The following SPARCL1 variants were observed in gnomAD, a reference collection of about 807,000 sequenced individuals.
The protein encoded by SPARCL1 is SPARC-like protein 1.
SPARCL1 carries 52 observed loss-of-function variants against 67.1 expected under a neutral mutation model. That is an observed-to-expected ratio of 0.78 (90% CI 0.62 to 0.98). The LOEUF is 0.98. SPARCL1 is among the 50% of genes least tolerant of loss of function. The pLI, the probability that SPARCL1 is intolerant of heterozygous loss-of-function variation, is 0.00. For synonymous variants in SPARCL1, 226 were observed against 267.8 expected (o/e 0.84, Z 1.52); for missense variants, 717 against 782.4 (o/e 0.92, Z 1.00).
chr4:87,506,766 ATCTCTATCTATCTATCATCTATC>A (rs1281773598), intron 1 of SPARCL1, among the ~76,000 whole-genome samples: 3,196 of 116,908 alleles, frequency 0.027, 72 homozygotes, highest in Non-Finnish European at 0.03. Context: ...CATTATCTAT[ATCTCTATCTATCTATCATCTATC>A]TATCTATCTA....
chr4:87,506,344 G>A (rs1725071410), intron 1 of SPARCL1, among the ~76,000 whole-genome samples: 1 of 152,182 alleles, frequency 6.6e-6, no homozygotes, highest in African/African-American at 2.4e-5. Context: ...TAGACCATGG[G>A]ATGCCCAGAT....
At chr4:87,505,581 G>A (rs143414142) in intron 1 of SPARCL1, among the ~76,000 whole-genome samples, 2,447 of 152,084 alleles carry the variant, frequency 0.016, 62 homozygotes, top group African/African-American at 0.055. Context: ...TTTTGAGACA[G>A]GGTCTTGCTC....
At chr4:87,518,959 A>G (rs1183104306) in intron 1 of SPARCL1, among the ~76,000 whole-genome samples, 2 of 152,224 alleles carry the variant, frequency 1.3e-5, no homozygotes, top group Non-Finnish European at 2.9e-5. Flanking sequence ...CTAAGACAGC[A>G]TGAACATCTG....
intron 10 of SPARCL1, among the ~76,000 whole-genome samples, chr4:87,475,295 C>G (rs956921931): frequency 1.4e-5 from 2 of 147,198 alleles, no homozygotes; most frequent in Non-Finnish European, 3.0e-5. Context: ...CTTTCAACTT[C>G]TTTGACATCT....
intron 4 of SPARCL1, among the ~76,000 whole-genome samples, chr4:87,491,946 C>T (rs1453318608): frequency 1.7e-4 from 7 of 40,602 alleles, no homozygotes; most frequent in East Asian, 1.1e-3. Context: ...CTCTACCCAC[C>T]CCCCCCCCCA....
At chr4:87,504,026 T>C (rs1449258197) in intron 1 of SPARCL1, among the ~76,000 whole-genome samples, 2 of 151,992 alleles carry the variant, frequency 1.3e-5, no homozygotes, top group African/African-American at 2.4e-5. Context: ...AACACATTTT[T>C]ACCTATCTCA....
intron 8 of SPARCL1, 51 bp from the exon 9 acceptor site, chr4:87,480,571 A>G: frequency 6.6e-7 from 1 of 1,504,564 alleles, no homozygotes; most frequent in South Asian, 1.3e-5. Context: ...AATGTAATGG[A>G]CTTGTCACTT....
chr4:87,508,252 T>C (rs995713139), intron 1 of SPARCL1, among the ~76,000 whole-genome samples: 8 of 152,126 alleles, frequency 5.3e-5, no homozygotes, highest in Middle Eastern at 3.4e-3. Context: ...TCACTCTGAC[T>C]GTGAGGCTGG....
chr4:87,510,682 G>C (rs181898509), intron 1 of SPARCL1, among the ~76,000 whole-genome samples: 39 of 152,244 alleles, frequency 2.6e-4, no homozygotes, highest in African/African-American at 9.4e-4. Context: ...CAATTCATCT[G>C]TGTGACCTCA....
chr4:87,495,035 A>C lies in SPARCL1; in HGVS notation c.147T>G (p.Ala49=). Residue 49 remains alanine, a synonymous_variant, in exon 3 of 11, where the codon GCT becomes GCG. Transcript: ENST00000282470. ...CTGCTGTTTCTTTTTCATTTTCTTC[A>C]GCTTCAGCCCTTAAACTGGGGATTG... is the stretch of plus-strand genomic sequence containing the variant. ...NTAIPSLRAE[A]EENEKETAVS... 4 of 1,612,974 alleles carry C rather than the reference A, an allele frequency of 2.5e-6. No homozygotes were observed. Among genetic ancestry groups the C allele is most frequent in the Non-Finnish European group, 2.5e-6 (3 of 1,179,616 alleles).
chr4:87,504,246 T>G (rs1724985277), intron 1 of SPARCL1, among the ~76,000 whole-genome samples: 1 of 149,464 alleles, frequency 6.7e-6, no homozygotes, highest in Non-Finnish European at 1.5e-5. Flanking sequence ...ATTTATAACC[T>G]TACTAGTCTG....
chr4:87,528,147 A>T (rs537105471), intron 1 of SPARCL1: 1 of 152,252 alleles, frequency 6.6e-6, no homozygotes, highest in South Asian at 2.1e-4. Context: ...CTGTTTCAAC[A>T]GTATTGATCT....
In SPARCL1 at chr4:87,493,883, C is replaced by G. The variant is rs1724478259; in HGVS notation, c.917G>C (p.Ser306Thr). The change falls in exon 4 of 11, where the codon AGC (serine) becomes ACC (threonine). Residue 306 changes from serine to threonine, a missense_variant. Transcript: ENST00000282470. ...QEGKTGLEAI[S>T]NHKETEEKTV... is the part of the protein sequence containing the mutation. ...CTTTTCTTCTGTCTCTTTGTGGTTG[C>G]TGATAGCTTCTAGGCCAGTTTTACC... 18 of 1,614,082 alleles carry G rather than the reference C, an allele frequency of 1.1e-5. 1 individual carries two copies. In the East Asian group the frequency reaches 4.0e-4, roughly 36 times the overall value.
Position 87,491,953 on chromosome 4 carries a change from C to A in SPARCL1, c.1219-263G>T, listed in dbSNP as rs1309383229. Among the ~76,000 whole-genome samples, 14 of 44,258 alleles carry A rather than the reference C, an allele frequency of 3.2e-4. No homozygotes were observed. The East Asian group carries it at 5.9e-3, about 19-fold the overall frequency. The allele number at this position is 44,258 out of a possible 152,430, so 29.0% of individuals were successfully genotyped here. On this transcript the variant is annotated intron_variant, in intron 4 of 10. Coordinates refer to ENST00000282470, the MANE Select transcript of SPARCL1 (RefSeq NM_004684.6). ...AACTCCATCTCTACCCACCCCCCCC[C>A]CCAAAAAAAAAAAAATTAGCTGGGC...
chr4:87,500,415 C>T (rs1724796838), intron 1 of SPARCL1, among the ~76,000 whole-genome samples: 1 of 152,146 alleles, frequency 6.6e-6, no homozygotes, highest in Non-Finnish European at 1.5e-5. Context: ...GGGTCTAAGG[C>T]TTTTCCCACA....
intron 1 of SPARCL1, among the ~76,000 whole-genome samples, chr4:87,509,656 T>C (rs908603595): frequency 6.6e-6 from 1 of 152,172 alleles, no homozygotes; most frequent in South Asian, 2.1e-4. Flanking sequence ...GGAAGTGGGC[T>C]GGGGTAGATA....
At chr4:87,510,761 G>A (rs1424103412) in intron 1 of SPARCL1, among the ~76,000 whole-genome samples, 1 of 152,248 alleles carries the variant, frequency 6.6e-6, no homozygotes, top group Non-Finnish European at 1.5e-5. Context: ...GGTCGCACTG[G>A]CCCTTTGCCC....
intron 1 of SPARCL1, among the ~76,000 whole-genome samples, chr4:87,525,861 CT>C (rs1726016807): frequency 6.6e-6 from 1 of 152,094 alleles, no homozygotes; most frequent in African/African-American, 2.4e-5. Flanking sequence ...CAGCCTGCTC[CT>C]GCTACATGCA....
Position 87,473,791 on chromosome 4 carries a change from T to G in SPARCL1, c.1979A>C (p.Glu660Ala), listed in dbSNP as rs778267458. 1 of 1,608,760 alleles carries G rather than the reference T, an allele frequency of 6.2e-7. No individual in the cohort carries two copies. The highest frequency in any genetic ancestry group is 8.5e-7 in the Non-Finnish European group (1 of 1,176,148). The stretch of plus-strand genomic sequence containing the variant: ...AATCTTCGTTCAAAACAAGAGATTT[T>G]CATCTATGTCCTCTATAAAAAAACA... ...CFGIKEEDIDENLLF is the reference protein window; with the variant it reads ...CFGIKEEDIDANLLF The change falls in exon 11 of 11, where the codon GAA becomes GCA. Residue 660 changes from glutamate to alanine, a missense_variant. Glu to Ala is a moderately radical substitution (Grantham distance 107). Coordinates refer to ENST00000282470, the MANE Select transcript of SPARCL1 (RefSeq NM_004684.6).
Sources: allele counts gnomAD v4.1 joint callset (sites outside exome capture counted in the v4.1 genomes callset), GRCh38; gene constraint gnomAD v4.1.1; transcripts MANE v1.5; gene names NCBI Gene and HGNC (gene_info 2026-07-23, HGNC 2026-07-21).